PDE1C: variants seen among roughly 807,000 people sequenced by gnomAD.
PDE1C encodes the protein dual specificity calcium/calmodulin-dependent 3',5'-cyclic nucleotide phosphodiesterase 1C.
PDE1C carries 62 observed loss-of-function variants against 93.1 expected under a neutral mutation model. The observed-to-expected ratio is 0.67, with a 90% CI of 0.54 to 0.82. The LOEUF is 0.82. PDE1C is among the 40% of genes least tolerant of loss of function. The pLI, the probability that PDE1C is intolerant of heterozygous loss-of-function variation, is 0.00. For missense variants in PDE1C, 742 were observed against 884.6 expected (o/e 0.84, Z 2.04); for synonymous variants, 325 against 310.1 (o/e 1.05, Z -0.50).
chr7:32,209,539 A>G (rs1227106269), exon 2 of PDE1C: 20 of 1,556,004 alleles, frequency 1.3e-5, no homozygotes, highest in Non-Finnish European at 1.6e-5. Context: ...TTCATTTGCA[A>G]CTAGAAAAAA....
At chr7:31,731,992 A>G in the PDE1C span, among the ~76,000 whole-genome samples, 3 of 152,244 alleles carry the variant, frequency 2.0e-5, no homozygotes, top group Admixed American at 2.0e-4. Context: ...ACTGATGAGG[A>G]GGGTGTATCA....
At chr7:32,294,316 C>T (rs564295379) in intron 1 of PDE1C, among the ~76,000 whole-genome samples, 1 of 152,326 alleles carries the variant, frequency 6.6e-6, no homozygotes, top group South Asian at 2.1e-4. Flanking sequence ...AGCAACACCT[C>T]TTCAGTACAG....
intron 1 of PDE1C, among the ~76,000 whole-genome samples, chr7:32,239,993 A>G (rs75884971): frequency 0.012 from 1,844 of 152,346 alleles, 16 homozygotes; most frequent in African/African-American, 0.028. Context: ...CAATGCTGTC[A>G]GCCTGGATCC....
At chr7:31,922,685 C>A (rs1372411525) in intron 2 of PDE1C, among the ~76,000 whole-genome samples, 2 of 152,052 alleles carry the variant, frequency 1.3e-5, no homozygotes, top group African/African-American at 4.8e-5. Context: ...GAACTGCATC[C>A]TGTTTATGCA....
chr7:31,649,986 A>G, the PDE1C span, among the ~76,000 whole-genome samples: 1 of 152,176 alleles, frequency 6.6e-6, no homozygotes, highest in South Asian at 2.1e-4. Context: ...GTAGAGTCAG[A>G]AAAGTGAAAA....
chr7:31,855,213 TG>T (rs1262872233), intron 7 of PDE1C, among the ~76,000 whole-genome samples: 1 of 152,142 alleles, frequency 6.6e-6, no homozygotes, highest in African/African-American at 2.4e-5. Flanking sequence ...CTGGTGGCTC[TG>T]GGGGAAAATC....
intron 2 of PDE1C, among the ~76,000 whole-genome samples, chr7:32,031,901 C>T (rs1178006467): frequency 6.6e-6 from 1 of 152,090 alleles, no homozygotes; most frequent in Non-Finnish European, 1.5e-5. Flanking sequence ...GTTTGTACCG[C>T]AGGAGAAGTA....
the PDE1C span, among the ~76,000 whole-genome samples, chr7:31,634,150 A>G: frequency 6.6e-6 from 1 of 152,168 alleles, no homozygotes; most frequent in African/African-American, 2.4e-5. Flanking sequence ...GTCTCCTCCT[A>G]GGCAGAAATG....
At chr7:32,419,055 T>C (rs1255349575) in intron 1 of PDE1C, among the ~76,000 whole-genome samples, 3 of 152,154 alleles carry the variant, frequency 2.0e-5, no homozygotes, top group Non-Finnish European at 4.4e-5. Context: ...GAGGAAAAAA[T>C]GGCAACCTGT....
At chr7:32,325,200 A>G (rs1783382348) in intron 1 of PDE1C, among the ~76,000 whole-genome samples, 1 of 152,248 alleles carries the variant, frequency 6.6e-6, no homozygotes, top group South Asian at 2.1e-4. Context: ...AACATGAACT[A>G]CAAGGCAGCT....
chr7:31,812,503 C>G (rs1457925726), intron 15 of PDE1C, among the ~76,000 whole-genome samples: 1 of 152,082 alleles, frequency 6.6e-6, no homozygotes, highest in Non-Finnish European at 1.5e-5. Flanking sequence ...TTTCATGACC[C>G]ACAAACTAAG....
intron 1 of PDE1C, among the ~76,000 whole-genome samples, chr7:32,234,905 A>G (rs993232649): frequency 2.0e-5 from 3 of 152,044 alleles, no homozygotes; most frequent in African/African-American, 7.2e-5. Context: ...GCAAAATATA[A>G]ACAAACAGGT....
At chr7:32,363,040 G>C (rs1784163870) in intron 1 of PDE1C, among the ~76,000 whole-genome samples, 1 of 152,202 alleles carries the variant, frequency 6.6e-6, no homozygotes, top group Admixed American at 6.5e-5. Flanking sequence ...AGTATCAATA[G>C]AGCATTCACT....
chr7:31,997,268 T>C (rs1784833489), intron 2 of PDE1C, among the ~76,000 whole-genome samples: 1 of 152,156 alleles, frequency 6.6e-6, no homozygotes, highest in South Asian at 2.1e-4. Flanking sequence ...GAGGTGATGG[T>C]ACACACCTCT....
chr7:31,629,072 G>C, the PDE1C span, among the ~76,000 whole-genome samples: 1 of 151,970 alleles, frequency 6.6e-6, no homozygotes, highest in African/African-American at 2.4e-5. Flanking sequence ...GGTGGTCATG[G>C]GACATTGTTC....
the PDE1C span, among the ~76,000 whole-genome samples, chr7:31,731,791 C>CG: frequency 8.2e-3 from 1 of 122 alleles, no homozygotes; most frequent in African/African-American, 0.036. Flanking sequence ...CTCTTGCCGT[C>CG]AGCCAATGTG....
At chr7:32,102,974 T>C (rs1798110383) in intron 3 of PDE1C, among the ~76,000 whole-genome samples, 1 of 152,202 alleles carries the variant, frequency 6.6e-6, no homozygotes, top group Non-Finnish European at 1.5e-5. Context: ...AACCATATTC[T>C]ATTCAATAGA....
intron 3 of PDE1C, among the ~76,000 whole-genome samples, chr7:32,099,430 G>A (rs900183631): frequency 2.0e-5 from 3 of 152,130 alleles, no homozygotes; most frequent in Admixed American, 6.5e-5. Context: ...TTACTCCTCC[G>A]TGTTAATGTT....
chr7:32,330,071 T>C (rs1162071806), intron 1 of PDE1C, among the ~76,000 whole-genome samples: 3 of 152,232 alleles, frequency 2.0e-5, no homozygotes, highest in Non-Finnish European at 4.4e-5. Flanking sequence ...AGAACACATA[T>C]CTTTGGCCCA....
Sources: gnomAD v4.1 joint callset for allele counts (sites outside exome capture counted in the v4.1 genomes callset) on GRCh38, gnomAD v4.1.1 for gene constraint, MANE v1.5 for transcripts, NCBI Gene and HGNC (gene_info 2026-07-23, HGNC 2026-07-21) for gene names.